Variants in RAP1GAP2 observed in about 807,000 individuals in gnomAD.
The protein encoded by RAP1GAP2 is rap1 GTPase-activating protein 2.
Under a neutral mutation model 95.0 loss-of-function variants are expected in RAP1GAP2, and 27 were observed. The ratio of observed to expected loss-of-function variants is 0.28; its 90% CI spans 0.21 to 0.39. The LOEUF is 0.39. Ranked by LOEUF, RAP1GAP2 falls within the 10% of genes least tolerant of loss-of-function variation. The pLI is 1.00. For synonymous variants in RAP1GAP2, 373 were observed against 380.9 expected (o/e 0.98, Z 0.24); for missense variants, 771 against 970.0 (o/e 0.79, Z 2.72).
Position 3,029,859 on chromosome 17 carries a change from C to A in RAP1GAP2, c.2108-1063C>A, listed in dbSNP as rs777564865. Among the ~76,000 whole-genome samples, 8 of 151,936 alleles carry A rather than the reference C, an allele frequency of 5.3e-5. No homozygotes were observed. The highest frequency in any genetic ancestry group is 1.2e-4 in the Non-Finnish European group (8 of 68,018). On this transcript the variant is annotated intron_variant, in intron 22 of 24. Transcript: ENST00000254695. This position sits in a 1 kb window ranked among gnomAD's most constrained non-coding sequence, Gnocchi z 4.4. ...GGATGTCAAACCCAGTGTACAAATA[C>A]TAGATAATATTCTTTACCATAAGTC...
At chr17:2,777,504 G>T (rs896932304) in intron 1 of RAP1GAP2, among the ~76,000 whole-genome samples, 1 of 152,162 alleles carries the variant, frequency 6.6e-6, no homozygotes, top group Non-Finnish European at 1.5e-5. Context: ...GCCTGGATGG[G>T]TGTGGGGGTG....
intron 12 of RAP1GAP2, among the ~76,000 whole-genome samples, chr17:2,993,623 C>T (rs2045853810): frequency 6.7e-6 from 1 of 150,158 alleles, no homozygotes; most frequent in African/African-American, 2.4e-5. Context: ...AGATAATGCT[C>T]ACGAAACACT....
At chr17:2,913,964 G>A (rs9889945) in intron 3 of RAP1GAP2, among the ~76,000 whole-genome samples, 13,268 of 151,858 alleles carry the variant, frequency 0.087, 1,227 homozygotes, top group East Asian at 0.3. Context: ...TCCGCCTCCC[G>A]GGTTCAAGGG....
rs546438862 is a variant in RAP1GAP2 at position 2,892,908 on chromosome 17, G to A, written c.81-12376G>A. Among the ~76,000 whole-genome samples, 21 of 152,202 alleles carry A rather than the reference G, an allele frequency of 1.4e-4. No homozygotes were observed. The South Asian group carries it at 4.4e-3, about 32-fold the overall frequency. ...CTTTCTCTTTCTGGGAACTTTCTTG[G>A]TCGGCTATTTGATCTTTTTTCTCTT... On this transcript the variant is annotated intron_variant, in intron 2 of 24. Transcript: ENST00000254695.
chr17:2,770,487 C>T (rs948522945), intron 2 of RAP1GAP2: 10 of 398,460 alleles, frequency 2.5e-5, no homozygotes, highest in South Asian at 1.3e-4. Context: ...TCTTTGGCCT[C>T]GGCCCAGGCC....
At position 2,986,540 on chromosome 17, in the gene RAP1GAP2, A is replaced by ATTT. The variant is rs397964863; in HGVS notation, c.813+1489_813+1491dup. ...TGTGGAGGAAAAAGCCAAGAAGATA[A>ATTT]TTTTTTTTTTTTTTTTTAAGAACCT... On this transcript the variant is annotated intron_variant, in intron 11 of 24. Transcript: ENST00000254695. Among the ~76,000 whole-genome samples the ATTT allele has an allele frequency of 2.7e-5, 4 of 145,980 alleles. No homozygotes were observed. The South Asian group carries it at 6.6e-4, about 24-fold the overall frequency.
In RAP1GAP2 at chr17:3,008,248, A is replaced by T; in HGVS notation, c.1494+103A>T. 5 of 1,518,438 alleles carry T rather than the reference A, an allele frequency of 3.3e-6. No homozygotes were observed. The highest frequency in any genetic ancestry group is 4.5e-6 in the Non-Finnish European group (5 of 1,116,936). 94.1% of individuals were successfully genotyped at this position (1,518,438 alleles called of 1,614,324 possible). On this transcript the variant is annotated intron_variant, in intron 17 of 24. Transcript: ENST00000254695. The surrounding 1 kb of genome is among the most constrained non-coding windows in gnomAD (Gnocchi z 4.2). ...ATACTGATCCCAGAGCCCAAGGGCCAGCTGGAGGGGTGACAGGAAACGTAT... is the reference window on the plus strand; with the variant it reads ...ATACTGATCCCAGAGCCCAAGGGCCTGCTGGAGGGGTGACAGGAAACGTAT...
At chr17:2,878,509 T>C (rs1336461778) in intron 2 of RAP1GAP2, among the ~76,000 whole-genome samples, 1 of 152,098 alleles carries the variant, frequency 6.6e-6, no homozygotes, top group Non-Finnish European at 1.5e-5. Flanking sequence ...GTGCATCACC[T>C]AGGCAAGGGC....
chr17:2,813,362 G>GGTGATAGATCTAGTTTCTTCTCTCTTT (rs2069858093), intron 2 of RAP1GAP2, among the ~76,000 whole-genome samples: 1 of 152,096 alleles, frequency 6.6e-6, no homozygotes, highest in African/African-American at 2.4e-5. Context: ...GGCGTGAGCT[G>GGTGATAGATCTAGTTTCTTCTCTCTTT]CGGTGCCCAA....
chr17:2,800,685 C>A, intron 2 of RAP1GAP2, 135 bp downstream of exon 2: 2 of 960,746 alleles, frequency 2.1e-6, no homozygotes, highest in Non-Finnish European at 3.2e-6. Flanking sequence ...GTCCATGGTG[C>A]TTCCAGATCG....
rs549750612 is a variant in RAP1GAP2, at chr17:2,850,975, G to A, written c.80+50425G>A. On this transcript the variant is annotated intron_variant, in intron 2 of 24. Coordinates refer to ENST00000254695, the MANE Select transcript of RAP1GAP2 (RefSeq NM_015085.5). ...CTCAGGAGGCTGAGCCAGGAGAATCGCTTGAACCCAGGAGGTGGAGGTTGC... is the reference window on the plus strand; with the variant it reads ...CTCAGGAGGCTGAGCCAGGAGAATCACTTGAACCCAGGAGGTGGAGGTTGC... Among the ~76,000 whole-genome samples, 24 of 151,816 alleles carry A rather than the reference G, an allele frequency of 1.6e-4. No homozygotes were observed. In the East Asian group the frequency reaches 2.1e-3, roughly 13 times the overall value.
intron 3 of RAP1GAP2, among the ~76,000 whole-genome samples, chr17:2,944,577 C>G (rs939935626): frequency 6.6e-6 from 1 of 152,174 alleles, no homozygotes; most frequent in African/African-American, 2.4e-5. Context: ...GAGTTCTCCA[C>G]CTTTGACCTT....
At position 2,978,506 on chromosome 17, in the gene RAP1GAP2, C is replaced by G. The variant is rs73296683; in HGVS notation, c.597-1781C>G. Among the ~76,000 whole-genome samples the G allele has an allele frequency of 2.8e-3, 422 of 152,254 alleles. 1 individual carries two copies. Among genetic ancestry groups the G allele is most frequent in the African/African-American group, 9.5e-3 (394 of 41,518 alleles). On this transcript the variant is annotated intron_variant, in intron 8 of 24. Transcript: ENST00000254695. ...TGGTGGAAGATTTCATCATGCTATT[C>G]AGGACGGCACAAAATTGAAAACTTA... is the stretch of plus-strand genomic sequence containing the variant.
Position 3,020,558 on chromosome 17 carries a change from A to G in RAP1GAP2, c.1714A>G (p.Thr572Ala). The change falls in exon 19 of 25, where the codon ACG becomes GCG. Residue 572 changes from threonine to alanine, a missense_variant. Thr to Ala is a moderately conservative substitution (Grantham distance 58). Transcript: ENST00000254695. ...CTCGGGGCTCTTCCCCCGCCTGCAC[A>G]CGGGCTCAGAAGGCCAGGGCGACAG... ...RRSGLFPRLH[T>A]GSEGQGDSRA... The G allele has an allele frequency of 6.2e-7, 1 of 1,613,922 alleles. No homozygotes were observed. Among genetic ancestry groups the G allele is most frequent in the East Asian group, 2.2e-5 (1 of 44,872 alleles).
rs1265328628 is a variant in RAP1GAP2 at position 2,886,469 on chromosome 17, G to A, written c.81-18815G>A. ...ATTACAGGTGTGAGCCACCGTGCCCGGCCATATGTATTTATATTTACAATA... is the reference window on the plus strand; with the variant it reads ...ATTACAGGTGTGAGCCACCGTGCCCAGCCATATGTATTTATATTTACAATA... On this transcript the variant is annotated intron_variant, in intron 2 of 24. Coordinates refer to ENST00000254695, the MANE Select transcript of RAP1GAP2 (RefSeq NM_015085.5). 2.6e-5 allele frequency among the ~76,000 whole-genome samples: 4 copies of A among 152,024 alleles called. No homozygotes were observed. In the East Asian group the frequency reaches 7.7e-4, roughly 29 times the overall value.
At chr17:3,024,357 C>A (rs1197674118) in intron 19 of RAP1GAP2, among the ~76,000 whole-genome samples, 1 of 152,276 alleles carries the variant, frequency 6.6e-6, no homozygotes, top group East Asian at 1.9e-4. Context: ...ACACTTCACA[C>A]CTCTAGGATG....
At chr17:3,023,094 A>ATCC (rs2047008111) in intron 19 of RAP1GAP2, among the ~76,000 whole-genome samples, 1 of 152,220 alleles carries the variant, frequency 6.6e-6, no homozygotes, top group South Asian at 2.1e-4. Flanking sequence ...CCATCCTTGC[A>ATCC]TCCCTGGAAC....
Position 2,985,176 on chromosome 17 carries a change from G to A in RAP1GAP2, c.813+110G>A, listed in dbSNP as rs1737809830. On this transcript the variant is annotated intron_variant, in intron 11 of 24. Transcript: ENST00000254695. ...CCTGACCTGCGTTCTGAAGCATTTG[G>A]AATACAACGGTCACATTTAAGGTAT... 6 of 1,526,726 alleles carry A rather than the reference G, an allele frequency of 3.9e-6. No individual in the cohort carries two copies. The South Asian group carries it at 5.3e-5, about 13-fold the overall frequency. 94.6% of individuals were successfully genotyped at this position (1,526,726 alleles called of 1,614,324 possible).
chr17:3,019,759 G>T (rs181517431), intron 18 of RAP1GAP2, among the ~76,000 whole-genome samples: 247 of 152,320 alleles, frequency 1.6e-3, no homozygotes, highest in Non-Finnish European at 3.0e-3. Flanking sequence ...CTCAGGTCGG[G>T]TCTCATTGCT....
Sources: allele counts gnomAD v4.1 joint callset (sites outside exome capture counted in the v4.1 genomes callset), GRCh38; gene constraint gnomAD v4.1.1; non-coding constraint Gnocchi (gnomAD v3.1); transcripts MANE v1.5; gene names NCBI Gene and HGNC (gene_info 2026-07-23, HGNC 2026-07-21).